Variants in EPHA5 observed in about 807,000 individuals in gnomAD.
EPHA5 encodes EPH receptor A5, also known as ephrin type-A receptor 5.
EPHA5 carries 60 observed loss-of-function variants against 105.0 expected under a neutral mutation model. That is an observed-to-expected ratio of 0.57 (90% CI 0.46 to 0.71). The LOEUF (loss-of-function observed/expected upper bound fraction) is 0.71, where lower values mean the gene tolerates loss of function less well. Ranked by LOEUF, EPHA5 falls within the 30% of genes least tolerant of loss-of-function variation. EPHA5 has a pLI of 0.00. For synonymous variants in EPHA5, 513 were observed against 449.1 expected (o/e 1.14, Z -1.80); for missense variants, 1,218 against 1,274.7 (o/e 0.96, Z 0.68).
intron 3 of EPHA5, among the ~76,000 whole-genome samples, chr4:65,559,338 T>C (rs1432061093): frequency 2.0e-5 from 3 of 152,170 alleles, no homozygotes; most frequent in African/African-American, 7.2e-5. Context: ...CATTTCAAAG[T>C]AAACACATAA....
At chr4:65,644,223 C>CG in intron 1 of EPHA5, among the ~76,000 whole-genome samples, 1 of 152,096 alleles carries the variant, frequency 6.6e-6, no homozygotes, top group African/African-American at 2.4e-5. Context: ...CACACACCCC[C>CG]ATGCACACAC....
chr4:65,580,727 A>G (rs1741532531), intron 3 of EPHA5, among the ~76,000 whole-genome samples: 1 of 151,810 alleles, frequency 6.6e-6, no homozygotes, highest in South Asian at 2.1e-4. Context: ...AGTTGAGCAT[A>G]AAAGACTTCA....
intron 5 of EPHA5, among the ~76,000 whole-genome samples, chr4:65,488,885 A>ATTT (rs5858962): frequency 0.33 from 38,866 of 117,480 alleles, 8,781 homozygotes; most frequent in Middle Eastern, 0.43. Flanking sequence ...AGCTGCATGC[A>ATTT]TTTTTTTTTT....
At chr4:65,461,397 T>A (rs1488417757) in intron 5 of EPHA5, among the ~76,000 whole-genome samples, 7 of 152,058 alleles carry the variant, frequency 4.6e-5, no homozygotes. Flanking sequence ...TTTATATTAC[T>A]GTAAATCTAA....
intron 3 of EPHA5, among the ~76,000 whole-genome samples, chr4:65,496,283 G>A (rs1299034252): frequency 1.3e-5 from 2 of 151,228 alleles, no homozygotes; most frequent in African/African-American, 4.9e-5. Context: ...CAATGTGCAG[G>A]TTAGTTACAT....
chr4:65,556,916 C>T (rs1738498197), intron 3 of EPHA5, among the ~76,000 whole-genome samples: 1 of 151,882 alleles, frequency 6.6e-6, no homozygotes, highest in African/African-American at 2.4e-5. Context: ...GTTCTAAATT[C>T]ACGGAATGTT....
intron 3 of EPHA5, among the ~76,000 whole-genome samples, chr4:65,562,610 C>T (rs770642007): frequency 6.6e-6 from 1 of 151,854 alleles, no homozygotes; most frequent in Non-Finnish European, 1.5e-5. Context: ...GTTCATTATG[C>T]AAGGGGGTCA....
At chr4:65,577,193 A>AT (rs1010298417) in intron 3 of EPHA5, among the ~76,000 whole-genome samples, 1 of 152,142 alleles carries the variant, frequency 6.6e-6, no homozygotes, top group Non-Finnish European at 1.5e-5. Context: ...TGCCACTATC[A>AT]TTTTTATTGA....
At chr4:65,404,308 A>C (rs2148990149) in intron 8 of EPHA5, 66 bp downstream of exon 8, 2 of 1,376,562 alleles carry the variant, frequency 1.5e-6, no homozygotes, top group Middle Eastern at 1.9e-4. Flanking sequence ...TCAACAGCCA[A>C]ATGGTCAGAT....
chr4:65,670,334 A>G lies in EPHA5; in HGVS notation c.-592T>C, dbSNP rs1750348815. 1 of 233,742 alleles carries G rather than the reference A, an allele frequency of 4.3e-6. No homozygotes were observed. Among genetic ancestry groups the G allele is most frequent in the Non-Finnish European group, 8.4e-6 (1 of 118,426 alleles). 14.5% of individuals were successfully genotyped at this position (233,742 alleles called of 1,614,324 possible). A position where few individuals can be genotyped will look rare whatever the true frequency, so the allele number is the denominator to read the frequency against. On this transcript the variant is annotated 5_prime_UTR_variant, in exon 1 of 17. Transcript: ENST00000613740. Reference sequence around the variant, plus strand: ...AATAGCTGCGGGCTGAGTGCTGAAGAGGGGAGGGACTGACGGCTGCCGGCC... The same window carrying G: ...AATAGCTGCGGGCTGAGTGCTGAAGGGGGGAGGGACTGACGGCTGCCGGCC...
rs964358581 is a variant in EPHA5, at chr4:65,473,998, C to T, written c.1402+16379G>A. On this transcript the variant is annotated intron_variant, in intron 5 of 16. Coordinates refer to ENST00000613740, the MANE Select transcript of EPHA5 (RefSeq NM_001281766.3). ...TTACACTTGGACACAGGAAGGGGGACATCACACACCGGGGCCTGTTGTGGG... is the reference window on the plus strand; with the variant it reads ...TTACACTTGGACACAGGAAGGGGGATATCACACACCGGGGCCTGTTGTGGG... Among the ~76,000 whole-genome samples, 7 of 145,970 alleles carry T rather than the reference C, an allele frequency of 4.8e-5. No individual in the cohort carries two copies. In the South Asian group the frequency reaches 1.1e-3, roughly 23 times the overall value.
chr4:65,348,271 A>G, intron 13 of EPHA5, 68 bp from the exon 14 acceptor site: 1 of 1,410,268 alleles, frequency 7.1e-7, no homozygotes, highest in South Asian at 1.3e-5. Context: ...GTGTTGCCTC[A>G]CTGAAAAGAT....
At chr4:65,385,446 T>C (rs771359545) in intron 8 of EPHA5, among the ~76,000 whole-genome samples, 28 of 151,910 alleles carry the variant, frequency 1.8e-4, no homozygotes, top group Non-Finnish European at 3.8e-4. Flanking sequence ...GGAATGTGTG[T>C]ATTTTGTGAT....
At chr4:65,648,308 T>C (rs1454385310) in intron 1 of EPHA5, among the ~76,000 whole-genome samples, 1 of 152,214 alleles carries the variant, frequency 6.6e-6, no homozygotes, top group African/African-American at 2.4e-5. Context: ...TACTTTATCC[T>C]TAACATCTTG....
In EPHA5 at chr4:65,330,903, T is replaced by C. The variant is rs541530761; in HGVS notation, c.2945+1070A>G. ...GGTTGGTTTCAGGTCCTTTTAGTTATCGGTATGAAGGAAGAGAATGCTGAG... is the reference window on the plus strand; with the variant it reads ...GGTTGGTTTCAGGTCCTTTTAGTTACCGGTATGAAGGAAGAGAATGCTGAG... On this transcript the variant is annotated intron_variant, in intron 16 of 16. Coordinates refer to ENST00000613740, the MANE Select transcript of EPHA5 (RefSeq NM_001281766.3). 3.8e-3 allele frequency: 3,993 copies of C among 1,038,754 alleles called. 17 individuals carry two copies. Among genetic ancestry groups the C allele is most frequent in the Non-Finnish European group, 4.5e-3 (3,870 of 862,254 alleles). The allele number at this position is 1,038,754 out of a possible 1,614,324, so 64.3% of individuals were successfully genotyped here. A position where few individuals can be genotyped will look rare whatever the true frequency, so the allele number is the denominator to read the frequency against.
chr4:65,369,844 G>C (rs1560462857), intron 8 of EPHA5, among the ~76,000 whole-genome samples: 1 of 152,036 alleles, frequency 6.6e-6, no homozygotes, highest in Non-Finnish European at 1.5e-5. Context: ...GCAGGCACCT[G>C]TAATCCCAGC....
rs1560847835 is a variant in EPHA5 at position 65,669,996 on chromosome 4, G to A, written c.-254C>T. 1.3e-5 allele frequency: 6 copies of A among 462,994 alleles called. No homozygotes were observed. Among genetic ancestry groups the A allele is most frequent in the African/African-American group, 2.0e-5 (1 of 49,892 alleles). 28.7% of individuals were successfully genotyped at this position (462,994 alleles called of 1,614,324 possible). A position where few individuals can be genotyped will look rare whatever the true frequency, so the allele number is the denominator to read the frequency against. The stretch of plus-strand genomic sequence containing the variant: ...AGTTCTGGTTGCTAGTGCAGATCTG[G>A]ACTCGGATCAAGGGTGTCGAGAGGG... On this transcript the variant is annotated 5_prime_UTR_variant, in exon 1 of 17. Transcript: ENST00000613740.
Position 65,366,441 on chromosome 4 carries a change from A to C in EPHA5, c.1862-384T>G, listed in dbSNP as rs143334903. Among the ~76,000 whole-genome samples, 102 of 151,982 alleles carry C rather than the reference A, an allele frequency of 6.7e-4. 2 individuals carry two copies. In the East Asian group the frequency reaches 0.018, roughly 27 times the overall value. On this transcript the variant is annotated intron_variant, in intron 9 of 16. Coordinates refer to ENST00000613740, the MANE Select transcript of EPHA5 (RefSeq NM_001281766.3). ...TATTCGATATAATCCCATTAGTATT[A>C]ATTTTAATTTTATGCAAAATGATTT... is the stretch of plus-strand genomic sequence containing the variant.
chr4:65,590,379 C>T (rs564164847), intron 3 of EPHA5, among the ~76,000 whole-genome samples: 2 of 152,082 alleles, frequency 1.3e-5, no homozygotes, highest in African/African-American at 4.8e-5. Flanking sequence ...GTGATCCACA[C>T]GCATGACAAG....
Sources: gnomAD v4.1 joint callset for allele counts (sites outside exome capture counted in the v4.1 genomes callset) on GRCh38, gnomAD v4.1.1 for gene constraint, MANE v1.5 for transcripts, NCBI Gene and HGNC (gene_info 2026-07-23, HGNC 2026-07-21) for gene names.